The following SLC8A2 variants were observed in gnomAD, a reference collection of about 807,000 sequenced individuals.
The protein encoded by SLC8A2 is sodium/calcium exchanger 2.
Under a neutral mutation model 70.2 loss-of-function variants are expected in SLC8A2, and 14 were observed. That is an observed-to-expected ratio of 0.20 (90% CI 0.13 to 0.31). The LOEUF is 0.31. Among genes scored for constraint, SLC8A2 ranks in the 10% least tolerant of loss-of-function variants. The pLI is 1.00. For synonymous variants in SLC8A2, 575 were observed against 594.3 expected (o/e 0.97, Z 0.47); for missense variants, 779 against 1,320.1 (o/e 0.59, Z 6.35).
At chr19:47,441,885 C>T (rs530941022) in intron 4 of SLC8A2, among the ~76,000 whole-genome samples, 2 of 152,272 alleles carry the variant, frequency 1.3e-5, no homozygotes, top group South Asian at 2.1e-4. Context: ...GGGCGGATCA[C>T]GAGGTCAAGA....
chr19:47,442,087 C>T (rs886625679), intron 4 of SLC8A2, among the ~76,000 whole-genome samples: 3 of 151,928 alleles, frequency 2.0e-5, no homozygotes, highest in Non-Finnish European at 2.9e-5. Flanking sequence ...GGCAACAGAG[C>T]GAGACACCAT....
rs1019803372 is a variant in SLC8A2 at position 47,432,716 on chromosome 19, GT to G, written c.2111-272del. 6.1e-5 allele frequency: 25 copies of G among 411,480 alleles called. No homozygotes were observed. The highest frequency in any genetic ancestry group is 4.5e-4 in the African/African-American group (22 of 49,016). 25.5% of individuals were successfully genotyped at this position (411,480 alleles called of 1,614,324 possible). Reference sequence around the variant, plus strand: ...TATGGCTAAGTCAGCAGTAAAAACAGTTACTTCCATAGAATCCCTTGGAGCT... The same window carrying G: ...TATGGCTAAGTCAGCAGTAAAAACAGTACTTCCATAGAATCCCTTGGAGCT... On this transcript the variant is annotated intron_variant, in intron 8 of 9. Transcript: ENST00000236877. The surrounding 1 kb of genome is among the most constrained non-coding windows in gnomAD (Gnocchi z 6.2).
rs541895080 is a variant in SLC8A2 at position 47,461,062 on chromosome 19, C to T, written c.676-3468G>A. ...AAAATTAGCTGGGCGTGGTGGCAGG[C>T]GCCTGTAATCCCAGCTACTTGGGAA... On this transcript the variant is annotated intron_variant, in intron 2 of 9. Transcript: ENST00000236877. Among the ~76,000 whole-genome samples the T allele has an allele frequency of 6.3e-3, 959 of 151,724 alleles. 5 individuals are homozygous for T. Among genetic ancestry groups the T allele is most frequent in the Admixed American group, 0.01 (153 of 15,222 alleles).
In SLC8A2 at chr19:47,430,386, C is replaced by T. The variant is rs1966940714; in HGVS notation, c.2469G>A (p.Ala823=). 1 of 1,610,936 alleles carries T rather than the reference C, an allele frequency of 6.2e-7. No individual in the cohort carries two copies. Among genetic ancestry groups the T allele is most frequent in the Admixed American group, 1.7e-5 (1 of 59,862 alleles). The part of the protein sequence containing the change: ...ASIGNVTGSN[A]VNVFLGLGVA... ...CGCCCAGGCCAAGGAACACGTTCAC[C>T]GCGTTGGAGCCGGTCACGTTGCCGA... Residue 823 remains alanine, a synonymous_variant, in exon 10 of 10, where the codon GCG becomes GCA. Transcript: ENST00000236877. The surrounding 1 kb of genome is among the most constrained non-coding windows in gnomAD (Gnocchi z 5.9).
intron 7 of SLC8A2, 117 bp downstream of exon 7, chr19:47,437,732 G>T (rs1967048385): frequency 1.5e-6 from 2 of 1,316,384 alleles, no homozygotes; most frequent in African/African-American, 2.9e-5. Context: ...CCGTGGTCCT[G>T]ACGTGGGACC....
intron 3 of SLC8A2, among the ~76,000 whole-genome samples, chr19:47,452,441 AGAGAGTGTGTGTGTGT>A (rs1471410691): frequency 1.4e-4 from 9 of 65,210 alleles, no homozygotes; most frequent in African/African-American, 3.3e-4. Flanking sequence ...AGAGAGAGAG[AGAGAGTGTGTGTGTGT>A]GTGTGTGTGT....
chr19:47,463,734 C>T (rs1372109246), intron 2 of SLC8A2, among the ~76,000 whole-genome samples: 3 of 150,860 alleles, frequency 2.0e-5, no homozygotes, highest in Admixed American at 6.6e-5. Context: ...ACAGTTTGGA[C>T]ATTATACTGA....
rs1966973966 is a variant in SLC8A2, at chr19:47,432,314, C to T, written c.2242G>A (p.Gly748Ser). ...ACVPPTEYCHGWACFGVSILV... is the reference protein window; with the variant it reads ...ACVPPTEYCHSWACFGVSILV... Reference sequence around the variant, plus strand: ...ATGGAGACACCAAAGCAGGCCCAGCCGTGGCAGTACTCGGTGGGGGGCACA... The same window carrying T: ...ATGGAGACACCAAAGCAGGCCCAGCTGTGGCAGTACTCGGTGGGGGGCACA... The change falls in exon 9 of 10, where the codon GGC (glycine) becomes AGC (serine). Residue 748 changes from glycine (G) to serine (S), a missense_variant. Coordinates refer to ENST00000236877, the MANE Select transcript of SLC8A2 (RefSeq NM_015063.3). The surrounding 1 kb of genome is among the most constrained non-coding windows in gnomAD (Gnocchi z 6.2). 6.2e-7 allele frequency: 1 copy of T among 1,613,318 alleles called. No individual in the cohort carries two copies. The highest frequency in any genetic ancestry group is 1.3e-5 in the African/African-American group (1 of 74,556).
chr19:47,449,335 G>GC (rs1203454328), intron 3 of SLC8A2, among the ~76,000 whole-genome samples: 1 of 151,900 alleles, frequency 6.6e-6, no homozygotes, highest in Non-Finnish European at 1.5e-5. Flanking sequence ...GTTTTGTTTT[G>GC]TTTTTTTGAG....
At chr19:47,450,657 C>G (rs1967223064) in intron 3 of SLC8A2, among the ~76,000 whole-genome samples, 1 of 152,100 alleles carries the variant, frequency 6.6e-6, no homozygotes, top group Non-Finnish European at 1.5e-5. Flanking sequence ...TGAGGGAGTC[C>G]CTCAGCTCAG....
chr19:47,437,327 C>T (rs113850072), intron 8 of SLC8A2, 135 bp downstream of exon 8: 2 of 658,148 alleles, frequency 3.0e-6, no homozygotes, highest in African/African-American at 1.8e-5. Context: ...CCTCCCAAAG[C>T]GCCAGGATTC....
intron 6 of SLC8A2, 96 bp from the exon 7 acceptor site, chr19:47,438,069 A>G (rs1371372198): frequency 6.7e-7 from 1 of 1,502,706 alleles, no homozygotes; most frequent in Admixed American, 1.7e-5. Context: ...GAGAAAGCCT[A>G]TCTGTTCTCC....
Position 47,448,241 on chromosome 19 carries a change from G to C in SLC8A2, c.1341-10C>G. On this transcript the variant is annotated splice_polypyrimidine_tract_variant and intron_variant, in intron 3 of 9. Transcript: ENST00000236877. This position sits in a 1 kb window ranked among gnomAD's most constrained non-coding sequence, Gnocchi z 4.8. ...CACCAGCGTGCCCTCGCTGCGGCGG[G>C]GTGGGGAGGGGGAAGAGCGGGGTGA... 6.3e-7 allele frequency: 1 copy of C among 1,580,708 alleles called. No individual in the cohort carries two copies. Among genetic ancestry groups the C allele is most frequent in the Non-Finnish European group, 8.6e-7 (1 of 1,159,978 alleles).
In SLC8A2 at chr19:47,447,810, T is replaced by G; in HGVS notation, c.1762A>C (p.Met588Leu). 6.3e-7 allele frequency: 1 copy of G among 1,586,656 alleles called. No homozygotes were observed. Among genetic ancestry groups the G allele is most frequent in the East Asian group, 2.3e-5 (1 of 43,338 alleles). Residue 588 changes from methionine to leucine, a missense_variant and splice_region_variant, in exon 4 of 10, where the codon ATG (methionine) becomes CTG (leucine). Met to Leu is a conservative substitution (Grantham distance 15, BLOSUM62 2). Around this residue, in one of 6 missense-constraint regions of SLC8A2, gnomAD observed 247 missense variants for 362.8 expected, o/e 0.68. Transcript: ENST00000236877. This position sits in a 1 kb window ranked among gnomAD's most constrained non-coding sequence, Gnocchi z 5.1. ...GELEFGDDET[M>L]KTLQVKIVDD... ...CCGGGCCGCCTCGGGCGTGCTCACA[T>G]GGTCTCGTCGTCGCCAAACTCCAGC... is the stretch of plus-strand genomic sequence containing the variant.
At chr19:47,457,829 CTT>C (rs1967333423) in intron 2 of SLC8A2, among the ~76,000 whole-genome samples, 2 of 144,890 alleles carry the variant, frequency 1.4e-5, no homozygotes, top group Admixed American at 7.0e-5. Flanking sequence ...TTCTCTCTCT[CTT>C]TCTTTCTTTC....
intron 1 of SLC8A2, among the ~76,000 whole-genome samples, chr19:47,471,240 GCAGAGACA>G (rs920056390): frequency 1.3e-5 from 2 of 151,560 alleles, no homozygotes; most frequent in Non-Finnish European, 2.9e-5. Flanking sequence ...AGGGAGAGAG[GCAGAGACA>G]CAGAGACACA....
Position 47,452,657 on chromosome 19 carries a change from G to A in SLC8A2, c.1340+4273C>T, listed in dbSNP as rs149886370. On this transcript the variant is annotated intron_variant, in intron 3 of 9. Coordinates refer to ENST00000236877, the MANE Select transcript of SLC8A2 (RefSeq NM_015063.3). ...AGAAGGCTAGATTCACAGGACTTAT[G>A]TTTCAGCACTGGACACAGAATCTGA... Among the ~76,000 whole-genome samples, 43 of 152,204 alleles carry A rather than the reference G, an allele frequency of 2.8e-4. 1 individual carries two copies. In the East Asian group the frequency reaches 7.5e-3, roughly 27 times the overall value.
chr19:47,448,108 G>A lies in SLC8A2; in HGVS notation c.1464C>T (p.Gly488=), dbSNP rs746589645. ...FFVRLLNLRV[G]DAQGMFEPDG... is the part of the protein sequence containing the mutation. The stretch of plus-strand genomic sequence containing the variant: ...CCGGCTCGAACATGCCCTGCGCGTC[G>A]CCCACGCGCAGGTTCAGCAGCCGCA... The change falls in exon 4 of 10, where the codon GGC becomes GGT. Residue 488 remains glycine (G), a synonymous_variant. Coordinates refer to ENST00000236877, the MANE Select transcript of SLC8A2 (RefSeq NM_015063.3). The surrounding 1 kb of genome is among the most constrained non-coding windows in gnomAD (Gnocchi z 4.8). 7.5e-6 allele frequency: 12 copies of A among 1,610,282 alleles called. No individual in the cohort carries two copies. The highest frequency in any genetic ancestry group is 1.7e-5 in the Admixed American group (1 of 59,738).
chr19:47,461,673 A>ATC (rs1967396654), intron 2 of SLC8A2, among the ~76,000 whole-genome samples: 5 of 152,270 alleles, frequency 3.3e-5, no homozygotes, highest in Non-Finnish European at 7.3e-5. Flanking sequence ...ATTTGGGAAA[A>ATC]GGAGCCGAAT....
Sources: allele counts gnomAD v4.1 joint callset (sites outside exome capture counted in the v4.1 genomes callset), GRCh38; gene constraint gnomAD v4.1.1; regional missense constraint gnomAD v4.1.1; non-coding constraint Gnocchi (gnomAD v3.1); transcripts MANE v1.5; gene names NCBI Gene and HGNC (gene_info 2026-07-23, HGNC 2026-07-21).